The following SLX4IP variants were observed in gnomAD, a reference collection of about 807,000 sequenced individuals.
SLX4IP encodes protein SLX4IP.
SLX4IP carries 34 observed loss-of-function variants against 32.9 expected under a neutral mutation model. The ratio of observed to expected loss-of-function variants is 1.03; its 90% CI spans 0.79 to 1.38. SLX4IP has a LOEUF of 1.38. Ranked by LOEUF, SLX4IP falls within the 40% of genes most tolerant of loss-of-function variation. The pLI, the probability that SLX4IP is intolerant of heterozygous loss-of-function variation, is 0.00. For missense variants in SLX4IP, 444 were observed against 479.0 expected, an observed-to-expected ratio of 0.93 and a Z score of 0.68; for synonymous variants, 172 against 171.7, an observed-to-expected ratio of 1.00 and a Z score of -0.01.
intron 6 of SLX4IP, among the ~76,000 whole-genome samples, chr20:10,603,393 A>T (rs1827776695): frequency 6.6e-6 from 1 of 152,218 alleles, no homozygotes; most frequent in Non-Finnish European, 1.5e-5. Flanking sequence ...TATAATCTGG[A>T]GGACTTCCTA....
At position 10,570,525 on chromosome 20, in the gene SLX4IP, CT is replaced by C. The variant is rs113025279; in HGVS notation, c.238+9717del. Among the ~76,000 whole-genome samples the C allele has an allele frequency of 3.8e-3, 561 of 146,214 alleles. 4 individuals carry two copies. Among genetic ancestry groups the C allele is most frequent in the African/African-American group, 0.011 (439 of 40,102 alleles). On this transcript the variant is annotated intron_variant, in intron 4 of 7. Coordinates refer to ENST00000334534, the MANE Select transcript of SLX4IP (RefSeq NM_001009608.3). ...CTCCTATGTATCACACACATACACT[CT>C]TTTTTTTTTTTCTTTTTTTTGAGGC...
At chr20:10,472,673 T>G (rs2065435732) in intron 2 of SLX4IP, among the ~76,000 whole-genome samples, 1 of 152,234 alleles carries the variant, frequency 6.6e-6, no homozygotes, top group South Asian at 2.1e-4. Flanking sequence ...TGAGTCTTTC[T>G]GAGCTTTTGT....
rs111582519 is a variant in SLX4IP, at chr20:10,459,068, G to C, written c.27+837G>C. ...ATAATCGCCATTCTCACTGGCGTGA[G>C]ATGGTATTGCATTGTTTTGGATTTG... On this transcript the variant is annotated intron_variant, in intron 2 of 7. Transcript: ENST00000334534. 4.7e-3 allele frequency among the ~76,000 whole-genome samples: 723 copies of C among 152,322 alleles called. 16 individuals are homozygous for C. The South Asian group carries it at 0.068, about 14-fold the overall frequency.
chr20:10,600,805 A>C lies in SLX4IP; in HGVS notation c.317-926A>C, dbSNP rs144336582. 9.2e-4 allele frequency among the ~76,000 whole-genome samples: 140 copies of C among 152,340 alleles called. 1 individual carries two copies. Among genetic ancestry groups the C allele is most frequent in the African/African-American group, 3.3e-3 (136 of 41,584 alleles). The stretch of plus-strand genomic sequence containing the variant: ...CTGTTAGAAAAATGACTTAATTTCT[A>C]TCACAAATATCAGACATGTATATCA... On this transcript the variant is annotated intron_variant, in intron 5 of 7. Transcript: ENST00000334534.
chr20:10,551,468 G>C (rs76092892), intron 2 of SLX4IP, among the ~76,000 whole-genome samples: 1 of 152,106 alleles, frequency 6.6e-6, no homozygotes, highest in East Asian at 1.9e-4. Context: ...GGGCTAACTT[G>C]TTCTGTCATT....
chr20:10,452,883 A>T (rs911958414), intron 1 of SLX4IP, among the ~76,000 whole-genome samples: 1 of 151,608 alleles, frequency 6.6e-6, no homozygotes, highest in Non-Finnish European at 1.5e-5. Flanking sequence ...TAACGTAAAA[A>T]ATTTTATTAA....
chr20:10,493,496 A>C (rs1475505749), intron 2 of SLX4IP, among the ~76,000 whole-genome samples: 1 of 152,170 alleles, frequency 6.6e-6, no homozygotes, highest in Non-Finnish European at 1.5e-5. Context: ...GATTCTTTTG[A>C]ATATTTTATG....
chr20:10,514,129 A>T, intron 2 of SLX4IP, among the ~76,000 whole-genome samples: 1 of 152,218 alleles, frequency 6.6e-6, no homozygotes, highest in Admixed American at 6.5e-5. Flanking sequence ...CATTCAAAGA[A>T]AAGTGCAAAG....
intron 2 of SLX4IP, among the ~76,000 whole-genome samples, chr20:10,546,744 G>T (rs1450141346): frequency 1.3e-5 from 2 of 152,166 alleles, no homozygotes; most frequent in African/African-American, 4.8e-5. Flanking sequence ...TTGAAGTCAG[G>T]TCTGTGCTGA....
intron 4 of SLX4IP, among the ~76,000 whole-genome samples, chr20:10,581,707 G>C (rs1413111024): frequency 6.6e-6 from 1 of 152,112 alleles, no homozygotes; most frequent in African/African-American, 2.4e-5. Flanking sequence ...TTTGAGAGCA[G>C]GAGTTCAAGA....
chr20:10,539,466 G>C (rs181758447), intron 2 of SLX4IP, among the ~76,000 whole-genome samples: 1 of 151,646 alleles, frequency 6.6e-6, no homozygotes, highest in South Asian at 2.1e-4. Flanking sequence ...GACATTTGCA[G>C]GTGCAAAGAA....
chr20:10,622,248 T>C (rs550562770), intron 7 of SLX4IP, among the ~76,000 whole-genome samples: 2 of 152,320 alleles, frequency 1.3e-5, no homozygotes, highest in East Asian at 3.9e-4. Flanking sequence ...TTCCAGAAGA[T>C]TTTTCTTTAC....
At chr20:10,612,190 T>C (rs2066974777) in intron 6 of SLX4IP, among the ~76,000 whole-genome samples, 1 of 152,214 alleles carries the variant, frequency 6.6e-6, no homozygotes, top group Non-Finnish European at 1.5e-5. Context: ...GGCATCACAT[T>C]TGAAAATGTG....
At chr20:10,452,678 A>ATATATATATATATATATATATAT (rs1365793671) in intron 1 of SLX4IP, among the ~76,000 whole-genome samples, 1 of 97,786 alleles carries the variant, frequency 1.0e-5, no homozygotes. Flanking sequence ...AAAAAAAAAA[A>ATATATATATATATATATATATAT]AAATATATAT....
At chr20:10,533,964 T>C (rs190053679) in intron 2 of SLX4IP, among the ~76,000 whole-genome samples, 1 of 152,254 alleles carries the variant, frequency 6.6e-6, no homozygotes, top group Admixed American at 6.5e-5. Flanking sequence ...TTGTGTTGTC[T>C]GATTTTCACA....
intron 2 of SLX4IP, among the ~76,000 whole-genome samples, chr20:10,551,845 C>A (rs1001582359): frequency 6.6e-6 from 1 of 152,170 alleles, no homozygotes; most frequent in African/African-American, 2.4e-5. Context: ...CTCATTAGAG[C>A]TTGTGAGTTG....
At chr20:10,502,899 T>G (rs1271122405) in intron 2 of SLX4IP, among the ~76,000 whole-genome samples, 1 of 152,232 alleles carries the variant, frequency 6.6e-6, no homozygotes, top group Non-Finnish European at 1.5e-5. Flanking sequence ...AGGTGCTCAG[T>G]AAATATTTAG....
intron 2 of SLX4IP, among the ~76,000 whole-genome samples, chr20:10,464,445 C>G (rs1045806797): frequency 6.6e-6 from 1 of 152,074 alleles, no homozygotes; most frequent in African/African-American, 2.4e-5. Context: ...TTTTGGAAGG[C>G]CCAGGAGGGA....
At chr20:10,602,151 CAT>C (rs1312554090) in intron 6 of SLX4IP, among the ~76,000 whole-genome samples, 16 of 152,224 alleles carry the variant, frequency 1.1e-4, no homozygotes, top group African/African-American at 3.1e-4. Flanking sequence ...GCAAAATCCA[CAT>C]GTTTCCACTG....
Sources: allele counts gnomAD v4.1 joint callset (sites outside exome capture counted in the v4.1 genomes callset), GRCh38; gene constraint gnomAD v4.1.1; transcripts MANE v1.5; gene names NCBI Gene and HGNC (gene_info 2026-07-23, HGNC 2026-07-21).